The following PPP3R1 variants were observed in gnomAD, a reference collection of about 807,000 sequenced individuals.
PPP3R1 encodes calcineurin subunit B type 1.
A neutral mutation model predicts 22.6 loss-of-function variants in PPP3R1; 5 were observed. The ratio of observed to expected loss-of-function variants is 0.22; its 90% CI spans 0.12 to 0.46. The LOEUF (loss-of-function observed/expected upper bound fraction) is 0.46. Among genes scored for constraint, PPP3R1 ranks in the 20% least tolerant of loss-of-function variants. The pLI is 0.99. For synonymous variants in PPP3R1, 56 were observed against 65.2 expected, an observed-to-expected ratio of 0.86 and a Z score of 0.68; for missense variants, 61 against 203.2, an observed-to-expected ratio of 0.30 and a Z score of 4.25.
chr2:68,244,111 T>C (rs772751058), intron 1 of PPP3R1, among the ~76,000 whole-genome samples: 6 of 152,202 alleles, frequency 3.9e-5, no homozygotes, highest in Non-Finnish European at 8.8e-5. Flanking sequence ...CTAAAACATG[T>C]TTCCCCTTCC....
chr2:68,240,804 T>C (rs1472584513), intron 1 of PPP3R1, among the ~76,000 whole-genome samples: 1 of 152,232 alleles, frequency 6.6e-6, no homozygotes, highest in Non-Finnish European at 1.5e-5. Flanking sequence ...TTTTAGGCTA[T>C]GTTGAAGATT....
intron 2 of PPP3R1, among the ~76,000 whole-genome samples, chr2:68,195,932 A>ATGG (rs1674757383): frequency 6.6e-6 from 1 of 150,548 alleles, no homozygotes; most frequent in African/African-American, 2.4e-5. Flanking sequence ...GCACCATAAT[A>ATGG]TGTTCAAGGC....
intron 2 of PPP3R1, among the ~76,000 whole-genome samples, chr2:68,203,954 A>G (rs1230209129): frequency 6.6e-6 from 1 of 152,194 alleles, no homozygotes; most frequent in African/African-American, 2.4e-5. Context: ...TTTTTAGATA[A>G]AAGATTTAAT....
intron 2 of PPP3R1, among the ~76,000 whole-genome samples, chr2:68,196,108 C>G (rs908738695): frequency 6.6e-6 from 1 of 152,138 alleles, no homozygotes; most frequent in Non-Finnish European, 1.5e-5. Context: ...AGCCATCAGA[C>G]ATGGCAAAAT....
At chr2:68,203,798 T>A (rs781522806) in intron 2 of PPP3R1, among the ~76,000 whole-genome samples, 8 of 152,168 alleles carry the variant, frequency 5.3e-5, no homozygotes, top group Non-Finnish European at 1.0e-4. Context: ...ACTGCCTGAA[T>A]GTGAAACTGT....
chr2:68,210,584 T>C (rs1429011988), intron 2 of PPP3R1, among the ~76,000 whole-genome samples: 1 of 152,220 alleles, frequency 6.6e-6, no homozygotes, highest in African/African-American at 2.4e-5. Flanking sequence ...GTGTGCAGAC[T>C]ACAGCATTCC....
chr2:68,212,571 C>T (rs1363631861), intron 2 of PPP3R1, among the ~76,000 whole-genome samples: 3 of 152,208 alleles, frequency 2.0e-5, no homozygotes, highest in African/African-American at 7.2e-5. Context: ...TGTACATTTC[C>T]ATCAAACCTC....
rs984035591 is a variant in PPP3R1, at chr2:68,180,867, C to G, written c.*96G>C. The G allele has an allele frequency of 2.4e-6, 3 of 1,256,832 alleles. No individual in the cohort carries two copies. The highest frequency in any genetic ancestry group is 1.5e-5 in the African/African-American group (1 of 66,654). 77.9% of individuals were successfully genotyped at this position (1,256,832 alleles called of 1,614,324 possible). On this transcript the variant is annotated 3_prime_UTR_variant, in exon 6 of 6. Coordinates refer to ENST00000234310, the MANE Select transcript of PPP3R1 (RefSeq NM_000945.4). ...GTGGCTTCACAGAGAAAAATACTTCCATTTAAATACACAGAGAGCATTGCT... is the reference window on the plus strand; with the variant it reads ...GTGGCTTCACAGAGAAAAATACTTCGATTTAAATACACAGAGAGCATTGCT...
intron 2 of PPP3R1, among the ~76,000 whole-genome samples, chr2:68,197,603 C>G (rs906734156): frequency 6.6e-6 from 1 of 152,066 alleles, no homozygotes; most frequent in African/African-American, 2.4e-5. Context: ...TTCAGTAGCT[C>G]CACATCCTTG....
At chr2:68,214,664 G>A (rs985573423) in intron 2 of PPP3R1, among the ~76,000 whole-genome samples, 1 of 152,122 alleles carries the variant, frequency 6.6e-6, no homozygotes, top group Non-Finnish European at 1.5e-5. Context: ...AAAAGGGAAC[G>A]CTTATACACT....
At chr2:68,237,460 A>G (rs1277165298) in intron 1 of PPP3R1, among the ~76,000 whole-genome samples, 1 of 152,112 alleles carries the variant, frequency 6.6e-6, no homozygotes, top group Non-Finnish European at 1.5e-5. Context: ...TACTTCTCAT[A>G]ATATCAAATT....
chr2:68,225,271 T>C (rs545055926), intron 1 of PPP3R1, among the ~76,000 whole-genome samples: 1 of 152,330 alleles, frequency 6.6e-6, no homozygotes, highest in East Asian at 1.9e-4. Context: ...AAGAGCCCTT[T>C]AAAAGCAATT....
chr2:68,210,604 A>AT, intron 2 of PPP3R1, among the ~76,000 whole-genome samples: 1 of 152,282 alleles, frequency 6.6e-6, no homozygotes, highest in East Asian at 1.9e-4. Context: ...CTGGAATTAT[A>AT]TTTTTCGAGG....
chr2:68,251,477 C>A (rs1022608244), intron 1 of PPP3R1, among the ~76,000 whole-genome samples: 7 of 152,214 alleles, frequency 4.6e-5, no homozygotes, highest in Admixed American at 4.6e-4. Context: ...CACCTTGGAT[C>A]TTTCCGGTTC....
intron 1 of PPP3R1, among the ~76,000 whole-genome samples, chr2:68,238,179 G>A (rs892730763): frequency 6.6e-5 from 10 of 151,782 alleles, no homozygotes; most frequent in Non-Finnish European, 1.5e-4. Flanking sequence ...TGCATTAAGT[G>A]ACAGATACCA....
chr2:68,188,783 A>T, intron 2 of PPP3R1, 93 bp from the exon 3 acceptor site: 1 of 1,166,856 alleles, frequency 8.6e-7, no homozygotes, highest in Non-Finnish European at 1.2e-6. Context: ...AAAAATTTTA[A>T]TAGTTATAGG....
chr2:68,250,070 A>G (rs1334187296), intron 1 of PPP3R1, among the ~76,000 whole-genome samples: 2 of 152,206 alleles, frequency 1.3e-5, no homozygotes. Context: ...TACTGTATTC[A>G]GCAGACCAAA....
At chr2:68,192,039 A>T (rs551598189) in intron 2 of PPP3R1, among the ~76,000 whole-genome samples, 2 of 152,186 alleles carry the variant, frequency 1.3e-5, no homozygotes, top group Non-Finnish European at 2.9e-5. Flanking sequence ...TGGTTTTAAT[A>T]ATGTTTTAAG....
intron 2 of PPP3R1, among the ~76,000 whole-genome samples, chr2:68,190,381 G>A (rs1419752837): frequency 6.8e-6 from 1 of 146,630 alleles, no homozygotes; most frequent in South Asian, 2.1e-4. Flanking sequence ...CCTGGCCAAC[G>A]TGGTGAAACC....
Sources: allele counts gnomAD v4.1 joint callset (sites outside exome capture counted in the v4.1 genomes callset), GRCh38; gene constraint gnomAD v4.1.1; transcripts MANE v1.5; gene names NCBI Gene and HGNC (gene_info 2026-07-23, HGNC 2026-07-21).